Variants in ATP11A observed in about 807,000 individuals in gnomAD.
ATP11A encodes ATPase phospholipid transporting 11A.
ATP11A carries 81 observed loss-of-function variants against 154.4 expected under a neutral mutation model. The observed-to-expected ratio is 0.52, with a 90% confidence interval of 0.44 to 0.63. ATP11A has a LOEUF of 0.63. Among genes scored for constraint, ATP11A ranks in the 30% least tolerant of loss-of-function variants. ATP11A has a pLI of 0.00. For synonymous variants in ATP11A, 623 were observed against 585.9 expected (o/e 1.06, Z -0.91); for missense variants, 1,316 against 1,474.3 (o/e 0.89, Z 1.76).
rs896072067 is a variant in ATP11A at position 112,807,670 on chromosome 13, A to T, written c.333+1377A>T. On this transcript the variant is annotated intron_variant, in intron 4 of 29. Coordinates refer to ENST00000375645, the MANE Select transcript of ATP11A (RefSeq NM_015205.3). This position sits in a 1 kb window ranked among gnomAD's most constrained non-coding sequence, Gnocchi z 4.5. Reference sequence around the variant, plus strand: ...CAAGGAAATGGTGCTGAAGGAAACGATGTTACTCGGGGACCTGCCATGTGT... The same window carrying T: ...CAAGGAAATGGTGCTGAAGGAAACGTTGTTACTCGGGGACCTGCCATGTGT... Among the ~76,000 whole-genome samples the T allele has an allele frequency of 6.6e-6, 1 of 152,172 alleles. No homozygotes were observed. Among genetic ancestry groups the T allele is most frequent in the Non-Finnish European group, 1.5e-5 (1 of 68,036 alleles).
chr13:112,729,266 C>T (rs972238864), intron 1 of ATP11A, among the ~76,000 whole-genome samples: 4 of 152,196 alleles, frequency 2.6e-5, no homozygotes, highest in African/African-American at 7.2e-5. Flanking sequence ...ACCTCGTTAA[C>T]GATTGGATGT....
At chr13:112,702,362 A>AAAAG (rs59292977) in intron 1 of ATP11A, among the ~76,000 whole-genome samples, 1 of 150,696 alleles carries the variant, frequency 6.6e-6, no homozygotes, top group East Asian at 2.0e-4. Flanking sequence ...AAAAAAAAAA[A>AAAAG]GAAACCACTG....
chr13:112,785,296 A>G lies in ATP11A; in HGVS notation c.162+39A>G. 1 of 1,398,708 alleles carries G rather than the reference A, an allele frequency of 7.1e-7. No individual in the cohort carries two copies. Among genetic ancestry groups the G allele is most frequent in the South Asian group, 1.7e-5 (1 of 57,168 alleles). The allele number at this position is 1,398,708 out of a possible 1,614,324, so 86.6% of individuals were successfully genotyped here. On this transcript the variant is annotated intron_variant, in intron 2 of 29. Transcript: ENST00000375645. This position sits in a 1 kb window ranked among gnomAD's most constrained non-coding sequence, Gnocchi z 4.8. ...GGTCTGAGTGTCCATAATGTGTCTA[A>G]AAAGCAGCTGCCGGGGGGTGTTAGT...
chr13:112,714,262 T>A (rs1888171934), intron 1 of ATP11A, among the ~76,000 whole-genome samples: 1 of 151,800 alleles, frequency 6.6e-6, no homozygotes, highest in Non-Finnish European at 1.5e-5. Flanking sequence ...GCACCGATTT[T>A]CCTTCCCCGA....
chr13:112,758,085 C>T (rs1008954678), intron 1 of ATP11A, among the ~76,000 whole-genome samples: 3 of 152,346 alleles, frequency 2.0e-5, no homozygotes, highest in Admixed American at 2.0e-4. Context: ...GTTTTTGAGA[C>T]AGAGTCTTGC....
chr13:112,855,859 A>G, intron 19 of ATP11A, 52 bp from the exon 20 acceptor site: 1 of 1,510,050 alleles, frequency 6.6e-7, no homozygotes, highest in Non-Finnish European at 8.9e-7. Flanking sequence ...AGTCTTCTAA[A>G]ATCTATAGAT....
intron 1 of ATP11A, among the ~76,000 whole-genome samples, chr13:112,717,982 A>G (rs1229284351): frequency 1.3e-5 from 2 of 152,214 alleles, no homozygotes; most frequent in Non-Finnish European, 2.9e-5. Context: ...GAGCCGAGTC[A>G]GGAGAATCAC....
At position 112,857,799 on chromosome 13, in the gene ATP11A, G is replaced by T. The variant is rs371029239; in HGVS notation, c.2419-19G>T. On this transcript the variant is annotated intron_variant, in intron 20 of 29. Transcript: ENST00000375645. Reference sequence around the variant, plus strand: ...AAGTGAAACAGAGAAGATAAATTCCGCATTTCTTTCTTTTGCAGATTGTTA... The same window carrying T: ...AAGTGAAACAGAGAAGATAAATTCCTCATTTCTTTCTTTTGCAGATTGTTA... The T allele has an allele frequency of 5.7e-6, 9 of 1,587,618 alleles. No individual in the cohort carries two copies. Among genetic ancestry groups the T allele is most frequent in the Non-Finnish European group, 7.8e-6 (9 of 1,156,232 alleles).
chr13:112,864,235 G>T, intron 25 of ATP11A, among the ~76,000 whole-genome samples: 2 of 39,516 alleles, frequency 5.1e-5, no homozygotes, highest in African/African-American at 8.7e-5. Context: ...AATTCAGTGC[G>T]GCCCATGCAG....
Position 112,741,968 on chromosome 13 carries a change from C to G in ATP11A, c.40-43167C>G, listed in dbSNP as rs376637857. 3.4e-3 allele frequency among the ~76,000 whole-genome samples: 519 copies of G among 151,574 alleles called. 2 individuals are homozygous for G. The highest frequency in any genetic ancestry group is 0.012 in the African/African-American group (492 of 41,270). ...CACGGAAGAGCGCTCCCCTTCCCCA[C>G]GGAAGAGTGGTTCCCCCACCACAGA... On this transcript the variant is annotated intron_variant, in intron 1 of 29. Coordinates refer to ENST00000375645, the MANE Select transcript of ATP11A (RefSeq NM_015205.3).
intron 25 of ATP11A, among the ~76,000 whole-genome samples, chr13:112,865,449 TCCATCACCAC>T (rs1275847200): frequency 6.6e-6 from 1 of 152,228 alleles, no homozygotes; most frequent in Non-Finnish European, 1.5e-5. Flanking sequence ...CTCAGCGGGG[TCCATCACCAC>T]ATGTGCATAG....
chr13:112,698,097 C>T (rs77849270), intron 1 of ATP11A, among the ~76,000 whole-genome samples: 7 of 152,128 alleles, frequency 4.6e-5, no homozygotes, highest in Non-Finnish European at 8.8e-5. Flanking sequence ...TCAGCAGCCT[C>T]GATACAATTT....
At chr13:112,708,367 G>A (rs906668340) in intron 1 of ATP11A, among the ~76,000 whole-genome samples, 2 of 152,098 alleles carry the variant, frequency 1.3e-5, no homozygotes, top group African/African-American at 2.4e-5. Flanking sequence ...GTCCGAAACC[G>A]TAATTACCTT....
At chr13:112,823,876 G>A (rs989191419) in intron 9 of ATP11A, among the ~76,000 whole-genome samples, 8 of 152,156 alleles carry the variant, frequency 5.3e-5, no homozygotes, top group Admixed American at 2.6e-4. Flanking sequence ...CAAAATCCAC[G>A]GATGCCCAAG....
At position 112,832,929 on chromosome 13, in the gene ATP11A, G is replaced by A. The variant is rs780037254; in HGVS notation, c.1465G>A (p.Val489Ile). The A allele has an allele frequency of 1.7e-5, 28 of 1,613,950 alleles. No individual in the cohort carries two copies. Among genetic ancestry groups the A allele is most frequent in the South Asian group, 7.7e-5 (7 of 91,076 alleles). The change falls in exon 14 of 30, where the codon GTA becomes ATA. Residue 489 changes from valine to isoleucine, a missense_variant. By Grantham distance (29) the Val-to-Ile change is conservative. Coordinates refer to ENST00000375645, the MANE Select transcript of ATP11A (RefSeq NM_015205.3). ...HTVQVKDDDS[V>I]DGPRKSPDGG... The stretch of plus-strand genomic sequence containing the variant: ...CGTCCAGGTGAAAGACGATGACAGC[G>A]TAGACGGCCCCAGGAAATCGCCGGA...
chr13:112,873,666 GGA>G lies in ATP11A; in HGVS notation c.3153_3154del (p.Val1052AspfsTer59). 6.2e-7 allele frequency: 1 copy of G among 1,611,024 alleles called. No homozygotes were observed. The highest frequency in any genetic ancestry group is 8.5e-7 in the Non-Finnish European group (1 of 1,177,494). On this transcript the variant is annotated frameshift_variant, in exon 27 of 30. Transcript: ENST00000375645. ...CGTTGTCTTTTCGCTTCTCTGGGGA[GGA>G]GTGATCTGGTAAATATCTGATAAGT... ...FYVVFSLLWGGVIWPFLNYQR... is the reference protein window; with the variant it reads ...FYVVFSLLWGXVIWPFLNYQR...
At chr13:112,863,964 C>T (rs1163193151) in intron 25 of ATP11A, among the ~76,000 whole-genome samples, 3 of 82,382 alleles carry the variant, frequency 3.6e-5, no homozygotes, top group Non-Finnish European at 5.0e-5. Flanking sequence ...TAATTCAGTG[C>T]GGCCCATGCA....
chr13:112,805,654 G>A (rs1270163863), intron 3 of ATP11A, among the ~76,000 whole-genome samples: 7 of 131,158 alleles, frequency 5.3e-5, no homozygotes, highest in Non-Finnish European at 1.1e-4. Context: ...CCAGCCTGGC[G>A]ACAGAGCGAG....
chr13:112,806,410 T>C, intron 4 of ATP11A, 117 bp downstream of exon 4: 1 of 750,384 alleles, frequency 1.3e-6, no homozygotes, highest in Non-Finnish European at 2.2e-6. Context: ...TCAACCAAGT[T>C]CTAGAAATTC....
Sources: allele counts gnomAD v4.1 joint callset (sites outside exome capture counted in the v4.1 genomes callset), GRCh38; gene constraint gnomAD v4.1.1; non-coding constraint Gnocchi (gnomAD v3.1); transcripts MANE v1.5; gene names NCBI Gene and HGNC (gene_info 2026-07-23, HGNC 2026-07-21).